Variants in TPO observed in about 807,000 individuals in gnomAD.
The protein encoded by TPO is thyroid microsomal antigen.
Under a neutral mutation model 96.9 loss-of-function variants are expected in TPO, and 78 were observed. The ratio of observed to expected loss-of-function variants is 0.81; its 90% CI spans 0.67 to 0.97. TPO has a LOEUF of 0.97. Among genes scored for constraint, TPO ranks in the 50% least tolerant of loss-of-function variants. The probability of loss-of-function intolerance (pLI) is 0.00; values close to 1 mark genes in which losing one functional copy is unlikely to be tolerated. For synonymous variants in TPO, 547 were observed against 538.0 expected, an observed-to-expected ratio of 1.02 and a Z score of -0.23; for missense variants, 1,252 against 1,274.8, an observed-to-expected ratio of 0.98 and a Z score of 0.27.
At chr2:1,401,404 G>C (rs1234421641) in intron 1 of TPO, among the ~76,000 whole-genome samples, 1 of 152,118 alleles carries the variant, frequency 6.6e-6, no homozygotes, top group Non-Finnish European at 1.5e-5. Flanking sequence ...GGGAGTTGGT[G>C]GTTTCTGATT....
At chr2:1,520,285 T>C (rs1675115664) in intron 15 of TPO, among the ~76,000 whole-genome samples, 1 of 152,214 alleles carries the variant, frequency 6.6e-6, no homozygotes, top group Non-Finnish European at 1.5e-5. Flanking sequence ...CGCCTCCCTG[T>C]GTCTTATTCT....
intron 5 of TPO, among the ~76,000 whole-genome samples, chr2:1,452,256 C>T (rs1667374171): frequency 6.6e-6 from 1 of 152,164 alleles, no homozygotes; most frequent in African/African-American, 2.4e-5. Context: ...AATTATTATG[C>T]ATAGAGATAA....
intron 6 of TPO, among the ~76,000 whole-genome samples, chr2:1,454,826 GA>G (rs1175519358): frequency 6.6e-6 from 1 of 152,196 alleles, no homozygotes; most frequent in Non-Finnish European, 1.5e-5. Context: ...TCACTATTGA[GA>G]AAAATCAGAG....
At chr2:1,434,972 C>T (rs1015386339) in intron 4 of TPO, among the ~76,000 whole-genome samples, 2 of 151,970 alleles carry the variant, frequency 1.3e-5, no homozygotes, top group African/African-American at 2.4e-5. Flanking sequence ...CTCCCTCTGT[C>T]GCCCAGGCTG....
chr2:1,461,446 G>C (rs1465232224), intron 7 of TPO, among the ~76,000 whole-genome samples: 2 of 152,198 alleles, frequency 1.3e-5, no homozygotes, highest in Non-Finnish European at 2.9e-5. Flanking sequence ...GGTGCCGCCT[G>C]GGTAGGCTGG....
chr2:1,466,004 A>G (rs1404744815), intron 7 of TPO, among the ~76,000 whole-genome samples: 2 of 152,164 alleles, frequency 1.3e-5, no homozygotes, highest in Non-Finnish European at 2.9e-5. Flanking sequence ...ACTTTTCCCC[A>G]TTCAGAATTA....
intron 1 of TPO, among the ~76,000 whole-genome samples, chr2:1,403,430 G>A (rs983185944): frequency 2.0e-5 from 3 of 152,228 alleles, no homozygotes; most frequent in Admixed American, 6.5e-5. Context: ...GCTCTCCGTG[G>A]TTCAGCTGTG....
intron 1 of TPO, among the ~76,000 whole-genome samples, chr2:1,413,880 A>T (rs1301542476): frequency 6.6e-6 from 1 of 152,224 alleles, no homozygotes; most frequent in Non-Finnish European, 1.5e-5. Flanking sequence ...AGTAGAAATG[A>T]TGAATTTTGA....
chr2:1,479,378 T>C (rs1362626314), intron 8 of TPO, among the ~76,000 whole-genome samples: 2 of 152,216 alleles, frequency 1.3e-5, no homozygotes, highest in Non-Finnish European at 2.9e-5. Flanking sequence ...CATAAATATA[T>C]GTAGAGTTTG....
chr2:1,425,205 T>C (rs1664220030), intron 3 of TPO, among the ~76,000 whole-genome samples: 2 of 90,864 alleles, frequency 2.2e-5, no homozygotes, highest in East Asian at 3.2e-4. Flanking sequence ...TGTAAAGTCA[T>C]GTTCTAGATG....
intron 10 of TPO, among the ~76,000 whole-genome samples, chr2:1,492,559 G>A (rs994569088): frequency 7.2e-5 from 11 of 152,180 alleles, no homozygotes; most frequent in African/African-American, 2.7e-4. Context: ...TGCTCCATGA[G>A]TCTGTTTACC....
chr2:1,414,455 C>A lies in TPO; in HGVS notation c.47C>A (p.Thr16Lys), dbSNP rs1259378236. 21 of 1,613,932 alleles carry A rather than the reference C, an allele frequency of 1.3e-5. No individual in the cohort carries two copies. Among genetic ancestry groups the A allele is most frequent in the South Asian group, 6.6e-5 (6 of 91,042 alleles). Residue 16 changes from threonine (T) to lysine (K), a missense_variant, in exon 2 of 17, where the codon ACA (threonine) becomes AAA (lysine). Thr to Lys is a moderately conservative substitution (Grantham distance 78, BLOSUM62 -1). Transcript: ENST00000329066. ...VLSVTLVMAC[T>K]EAFFPFISRG... ...TCTGTCACGCTGGTTATGGCCTGCA[C>A]AGAAGCCTTCTTCCCCTTCATCTCG...
In TPO at chr2:1,493,850, C is replaced by A; in HGVS notation, c.1817C>A (p.Pro606His). The A allele has an allele frequency of 6.2e-7, 1 of 1,614,130 alleles. No individual in the cohort carries two copies. The highest frequency in any genetic ancestry group is 1.7e-5 in the Admixed American group (1 of 60,024). Reference sequence around the variant, plus strand: ...TGCGGCCTGCCTCGCCTGGAGACCCCCGCTGACCTGAGCACAGCCATCGCC... The same window carrying A: ...TGCGGCCTGCCTCGCCTGGAGACCCACGCTGACCTGAGCACAGCCATCGCC... ...EFCGLPRLETPADLSTAIASR... is the reference protein window; with the variant it reads ...EFCGLPRLETHADLSTAIASR... Residue 606 changes from proline (P) to histidine (H), a missense_variant, in exon 11 of 17, where the codon CCC becomes CAC. Pro to His is a moderately conservative substitution (Grantham distance 77). Transcript: ENST00000329066.
At chr2:1,441,349 T>C (rs1457557954) in intron 5 of TPO, among the ~76,000 whole-genome samples, 1 of 152,222 alleles carries the variant, frequency 6.6e-6, no homozygotes, top group Non-Finnish European at 1.5e-5. Flanking sequence ...TTACACTTTG[T>C]CATAAAGGAA....
intron 1 of TPO, among the ~76,000 whole-genome samples, chr2:1,396,451 G>A (rs758571924): frequency 6.6e-5 from 10 of 152,312 alleles, no homozygotes; most frequent in South Asian, 6.2e-4. Flanking sequence ...GAGGGTCTCC[G>A]TGCATGTGTC....
intron 13 of TPO, among the ~76,000 whole-genome samples, chr2:1,497,438 G>T (rs544657567): frequency 1.3e-5 from 2 of 152,188 alleles, no homozygotes; most frequent in Non-Finnish European, 2.9e-5. Flanking sequence ...CCTCTGCGGG[G>T]AACAGCAGAA....
chr2:1,479,793 T>TC (rs2148683465), intron 8 of TPO, among the ~76,000 whole-genome samples: 1 of 65,422 alleles, frequency 1.5e-5, no homozygotes, highest in Non-Finnish European at 3.5e-5. Context: ...CTTCTTCTTC[T>TC]TTTTTTTTGA....
chr2:1,453,873 G>A, intron 6 of TPO, 50 bp downstream of exon 6: 1 of 1,612,826 alleles, frequency 6.2e-7, no homozygotes, highest in Non-Finnish European at 8.5e-7. Context: ...GTCCTGTGAT[G>A]CTGAGGGAGG....
intron 8 of TPO, chr2:1,478,456 A>G (rs1670200689): frequency 1.0e-6 from 1 of 958,878 alleles, no homozygotes; most frequent in Non-Finnish European, 1.2e-6. Context: ...TTGTCCGAGG[A>G]GGCACAGGGG....
Sources: gnomAD v4.1 joint callset for allele counts (sites outside exome capture counted in the v4.1 genomes callset) on GRCh38, gnomAD v4.1.1 for gene constraint, MANE v1.5 for transcripts, NCBI Gene and HGNC (gene_info 2026-07-23, HGNC 2026-07-21) for gene names.